Variants in PAK5 observed in about 807,000 individuals in gnomAD.
PAK5 encodes serine/threonine-protein kinase PAK 5.
Under a neutral mutation model 65.9 loss-of-function variants are expected in PAK5, and 16 were observed. The ratio of observed to expected loss-of-function variants is 0.24; its 90% CI spans 0.16 to 0.37. The LOEUF is 0.37. Ranked by LOEUF, PAK5 falls within the 10% of genes least tolerant of loss-of-function variation. The probability of loss-of-function intolerance (pLI) is 1.00; values close to 1 mark genes in which losing one functional copy is unlikely to be tolerated. For missense variants in PAK5, 785 were observed against 903.9 expected (o/e 0.87, Z 1.69); for synonymous variants, 371 against 354.9 (o/e 1.05, Z -0.51).
intron 3 of PAK5, among the ~76,000 whole-genome samples, chr20:9,596,300 G>C (rs935552844): frequency 6.6e-6 from 1 of 152,116 alleles, no homozygotes; most frequent in Non-Finnish European, 1.5e-5. Flanking sequence ...TGCACAGACA[G>C]AAAACTATAT....
At chr20:9,733,842 C>T (rs1239727447) in intron 1 of PAK5, among the ~76,000 whole-genome samples, 3 of 152,166 alleles carry the variant, frequency 2.0e-5, no homozygotes, top group Admixed American at 6.5e-5. Flanking sequence ...TTTCTCTACC[C>T]ATCTCTCCAG....
At chr20:9,777,897 C>A (rs1282035258) in intron 1 of PAK5, among the ~76,000 whole-genome samples, 4 of 152,006 alleles carry the variant, frequency 2.6e-5, no homozygotes, top group Non-Finnish European at 4.4e-5. Context: ...AGGGATTAGA[C>A]AAGAATGATA....
intron 3 of PAK5, among the ~76,000 whole-genome samples, chr20:9,606,204 G>A (rs1238980627): frequency 3.9e-5 from 6 of 152,262 alleles, no homozygotes; most frequent in Non-Finnish European, 8.8e-5. Context: ...CAAGATCTCA[G>A]TCTTCAAAAG....
intron 2 of PAK5, among the ~76,000 whole-genome samples, chr20:9,689,596 C>T (rs2206476): frequency 0.049 from 7,410 of 152,208 alleles, 228 homozygotes; most frequent in Middle Eastern, 0.12. Flanking sequence ...GCAATGAAAC[C>T]GCTGATAAGC....
chr20:9,589,113 G>T (rs1009379941), intron 3 of PAK5, among the ~76,000 whole-genome samples: 10 of 152,314 alleles, frequency 6.6e-5, no homozygotes, highest in South Asian at 2.1e-4. Flanking sequence ...TCTTCTGTGT[G>T]CCTCAAACGT....
At chr20:9,737,806 C>A (rs958689776) in intron 1 of PAK5, among the ~76,000 whole-genome samples, 2 of 151,990 alleles carry the variant, frequency 1.3e-5, no homozygotes, top group African/African-American at 4.8e-5. Context: ...ATTAGAATTG[C>A]TATAATTTAA....
chr20:9,728,473 A>C (rs150540938), intron 1 of PAK5, among the ~76,000 whole-genome samples: 1 of 152,330 alleles, frequency 6.6e-6, no homozygotes, highest in African/African-American at 2.4e-5. Flanking sequence ...TCTGTATTAT[A>C]GATAACCTCA....
intron 3 of PAK5, among the ~76,000 whole-genome samples, chr20:9,598,935 CCA>C (rs2046316151): frequency 6.6e-6 from 1 of 152,108 alleles, no homozygotes; most frequent in South Asian, 2.1e-4. Flanking sequence ...TTCAGTCAAT[CCA>C]CAGTGTTGTA....
Position 9,580,383 on chromosome 20 carries a change from G to T in PAK5, c.752C>A (p.Ala251Glu), listed in dbSNP as rs745765163. ...GTSGCSKESLAYSESEWGPSL... is the reference protein window; with the variant it reads ...GTSGCSKESLEYSESEWGPSL... The stretch of plus-strand genomic sequence containing the variant: ...GGGTCCCCATTCACTTTCACTGTAC[G>T]CCAGGCTCTCCTTGGAGCACCCGCT... The change falls in exon 4 of 10, where the codon GCG (alanine) becomes GAG (glutamate). Residue 251 changes from alanine to glutamate, a missense_variant. Around this residue, in one of 4 missense-constraint regions of PAK5, gnomAD observed 422 missense variants for 413.3 expected, o/e 1.02. Transcript: ENST00000353224. 3.1e-6 allele frequency: 5 copies of T among 1,613,984 alleles called. No homozygotes were observed. Among genetic ancestry groups the T allele is most frequent in the East Asian group, 2.2e-5 (1 of 44,870 alleles).
intron 2 of PAK5, among the ~76,000 whole-genome samples, chr20:9,647,018 C>T (rs2047143516): frequency 6.6e-6 from 1 of 152,184 alleles, no homozygotes; most frequent in African/African-American, 2.4e-5. Context: ...TTGCTTTAAA[C>T]CATGCTACAC....
intron 3 of PAK5, among the ~76,000 whole-genome samples, chr20:9,595,978 G>C (rs2046256942): frequency 6.6e-6 from 1 of 152,022 alleles, no homozygotes; most frequent in Non-Finnish European, 1.5e-5. Flanking sequence ...ATTCCCTTCT[G>C]TCTCTTCTTC....
At chr20:9,641,623 G>A (rs1336927602) in intron 3 of PAK5, among the ~76,000 whole-genome samples, 1 of 152,004 alleles carries the variant, frequency 6.6e-6, no homozygotes, top group Admixed American at 6.6e-5. Flanking sequence ...GATGGGACTG[G>A]GCGCTGTGGA....
chr20:9,628,925 C>T (rs1423082806), intron 3 of PAK5, among the ~76,000 whole-genome samples: 55 of 152,184 alleles, frequency 3.6e-4, no homozygotes, highest in Non-Finnish European at 8.8e-5. Context: ...CTTCCTTGCT[C>T]CTTGCTGGGC....
At chr20:9,626,109 G>A (rs530919620) in intron 3 of PAK5, among the ~76,000 whole-genome samples, 33 of 152,096 alleles carry the variant, frequency 2.2e-4, no homozygotes, top group African/African-American at 6.5e-4. Flanking sequence ...TTTCTTACCC[G>A]TTTGAAGACA....
chr20:9,752,136 A>G (rs1212031475), intron 1 of PAK5, among the ~76,000 whole-genome samples: 2 of 152,148 alleles, frequency 1.3e-5, no homozygotes, highest in African/African-American at 4.8e-5. Flanking sequence ...GACATAGGTG[A>G]CTAAGGAAGA....
At chr20:9,583,463 T>G (rs1004789192) in intron 3 of PAK5, among the ~76,000 whole-genome samples, 1 of 152,216 alleles carries the variant, frequency 6.6e-6, no homozygotes, top group Non-Finnish European at 1.5e-5. Flanking sequence ...TCCTTTACAC[T>G]TATAGTTTGC....
intron 2 of PAK5, among the ~76,000 whole-genome samples, chr20:9,659,029 G>T (rs1210874758): frequency 6.6e-6 from 1 of 152,110 alleles, no homozygotes; most frequent in Non-Finnish European, 1.5e-5. Context: ...ATATAATTGG[G>T]TATAAAGACT....
intron 2 of PAK5, among the ~76,000 whole-genome samples, chr20:9,673,801 C>A (rs893979902): frequency 2.0e-5 from 3 of 152,120 alleles, no homozygotes; most frequent in Non-Finnish European, 4.4e-5. Flanking sequence ...TTTCCCTTGC[C>A]CACAATCCTA....
intron 3 of PAK5, among the ~76,000 whole-genome samples, chr20:9,638,135 A>G (rs2047004737): frequency 1.3e-5 from 2 of 152,230 alleles, no homozygotes; most frequent in Admixed American, 1.3e-4. Context: ...ATGAAAGTCT[A>G]AGTTTGAGAA....
Sources: allele counts gnomAD v4.1 joint callset (sites outside exome capture counted in the v4.1 genomes callset), GRCh38; gene constraint gnomAD v4.1.1; regional missense constraint gnomAD v4.1.1; transcripts MANE v1.5; gene names NCBI Gene and HGNC (gene_info 2026-07-23, HGNC 2026-07-21).